HS3ST4: variants seen among roughly 807,000 people sequenced by gnomAD.
HS3ST4 encodes heparan sulfate glucosamine 3-O-sulfotransferase 4.
HS3ST4 carries 17 observed loss-of-function variants against 29.2 expected under a neutral mutation model. The observed-to-expected ratio is 0.58, with a 90% CI of 0.40 to 0.87. HS3ST4 has a LOEUF of 0.87. Among genes scored for constraint, HS3ST4 ranks in the 40% least tolerant of loss-of-function variants. The probability of loss-of-function intolerance (pLI) is 0.00; values close to 1 mark genes in which losing one functional copy is unlikely to be tolerated. For missense variants in HS3ST4, 627 were observed against 634.5 expected (o/e 0.99, Z 0.13); for synonymous variants, 314 against 285.7 (o/e 1.10, Z -1.00).
At chr16:25,809,210 T>G (rs1474854644) in intron 1 of HS3ST4, among the ~76,000 whole-genome samples, 1 of 152,180 alleles carries the variant, frequency 6.6e-6, no homozygotes, top group Non-Finnish European at 1.5e-5. Context: ...CACCACTAAG[T>G]ATGATGTTAT....
intron 1 of HS3ST4, among the ~76,000 whole-genome samples, chr16:25,777,060 C>T (rs2141613384): frequency 6.6e-6 from 1 of 152,246 alleles, no homozygotes; most frequent in African/African-American, 2.4e-5. Context: ...TCATTTTAAT[C>T]CATGTCTCTT....
chr16:25,830,945 T>C (rs1469986491), intron 1 of HS3ST4, among the ~76,000 whole-genome samples: 2 of 152,136 alleles, frequency 1.3e-5, no homozygotes. Flanking sequence ...CAGGATCAAC[T>C]CTAAACTCCA....
At chr16:26,040,696 C>T (rs1252960772) in intron 1 of HS3ST4, among the ~76,000 whole-genome samples, 1 of 152,016 alleles carries the variant, frequency 6.6e-6, no homozygotes, top group Non-Finnish European at 1.5e-5. Flanking sequence ...TTCTCCCTTC[C>T]AGGACACACA....
At chr16:25,947,485 C>A (rs117990514) in intron 1 of HS3ST4, among the ~76,000 whole-genome samples, 1 of 152,118 alleles carries the variant, frequency 6.6e-6, no homozygotes, top group Non-Finnish European at 1.5e-5. Context: ...TTGTGGACTG[C>A]GTTCAGGTCT....
intron 1 of HS3ST4, among the ~76,000 whole-genome samples, chr16:25,707,329 TTATAA>T (rs2141583293): frequency 6.6e-6 from 1 of 152,348 alleles, no homozygotes; most frequent in South Asian, 2.1e-4. Context: ...GTAACTTTTA[TTATAA>T]TATATTGTTA....
At chr16:25,952,582 G>A (rs117869625) in intron 1 of HS3ST4, among the ~76,000 whole-genome samples, 2,567 of 152,276 alleles carry the variant, frequency 0.017, 28 homozygotes, top group Non-Finnish European at 0.025. Flanking sequence ...TGTGAGGCTT[G>A]AATGGCTTAA....
chr16:25,962,170 A>G (rs1968801550), intron 1 of HS3ST4, among the ~76,000 whole-genome samples: 2 of 152,148 alleles, frequency 1.3e-5, no homozygotes, highest in African/African-American at 4.8e-5. Context: ...CAGGGAGAAA[A>G]CAAGGTACGA....
At chr16:25,864,180 A>G (rs1221582853) in intron 1 of HS3ST4, among the ~76,000 whole-genome samples, 1 of 152,256 alleles carries the variant, frequency 6.6e-6, no homozygotes, top group East Asian at 1.9e-4. Context: ...TTTATTAAGG[A>G]AAAATTAACA....
chr16:25,797,144 A>G (rs1966890934), intron 1 of HS3ST4, among the ~76,000 whole-genome samples: 2 of 152,250 alleles, frequency 1.3e-5, no homozygotes, highest in African/African-American at 2.4e-5. Context: ...CGTCCAAAAT[A>G]TCACAGTGAA....
chr16:25,697,774 G>A (rs34322088), intron 1 of HS3ST4, among the ~76,000 whole-genome samples: 48,205 of 151,940 alleles, frequency 0.32, 7,741 homozygotes, highest in South Asian at 0.45. Flanking sequence ...TCTGCTTCAA[G>A]CGATTATCCT....
chr16:26,019,515 T>A (rs1426383896), intron 1 of HS3ST4, among the ~76,000 whole-genome samples: 1 of 150,900 alleles, frequency 6.6e-6, no homozygotes, highest in Non-Finnish European at 1.5e-5. Context: ...GCAATCAGAG[T>A]AAGAGGGCTG....
At chr16:25,828,301 C>CTCTCTCTCTCTCTCTCT (rs1555467593) in intron 1 of HS3ST4, among the ~76,000 whole-genome samples, 3 of 32,882 alleles carry the variant, frequency 9.1e-5, no homozygotes, top group Admixed American at 3.7e-4. Flanking sequence ...TCTTTCTTTC[C>CTCTCTCTCTCTCTCTCT]CTCTCTCTCT....
At chr16:25,811,095 G>T (rs1967037316) in intron 1 of HS3ST4, among the ~76,000 whole-genome samples, 2 of 152,124 alleles carry the variant, frequency 1.3e-5, no homozygotes, top group Admixed American at 1.3e-4. Context: ...ACAAAAAATT[G>T]GTTTATTTAA....
chr16:25,998,175 G>A (rs1275304993), intron 1 of HS3ST4, among the ~76,000 whole-genome samples: 1 of 152,084 alleles, frequency 6.6e-6, no homozygotes, highest in Non-Finnish European at 1.5e-5. Context: ...CAGTTACTCG[G>A]GAGGCTGAAG....
chr16:25,971,919 A>G (rs551200223), intron 1 of HS3ST4, among the ~76,000 whole-genome samples: 1 of 152,246 alleles, frequency 6.6e-6, no homozygotes, highest in South Asian at 2.1e-4. Flanking sequence ...CTACAGAGTG[A>G]GACTCCATCT....
chr16:26,063,615 G>A (rs1898507335), intron 1 of HS3ST4, among the ~76,000 whole-genome samples: 1 of 152,036 alleles, frequency 6.6e-6, no homozygotes. Context: ...AGGAGTGCTT[G>A]AGCCTAGGAG....
chr16:25,725,096 T>C (rs1966523946), intron 1 of HS3ST4, among the ~76,000 whole-genome samples: 1 of 150,190 alleles, frequency 6.7e-6, no homozygotes, highest in Admixed American at 6.7e-5. Context: ...CACACCATGA[T>C]ACAGGATACT....
chr16:25,936,407 A>G (rs1968517547), intron 1 of HS3ST4, among the ~76,000 whole-genome samples: 1 of 152,234 alleles, frequency 6.6e-6, no homozygotes, highest in Non-Finnish European at 1.5e-5. Flanking sequence ...GAGAGACACC[A>G]GTAAGTTGAC....
intron 1 of HS3ST4, among the ~76,000 whole-genome samples, chr16:26,061,757 A>G (rs1187911358): frequency 6.6e-6 from 1 of 152,116 alleles, no homozygotes; most frequent in Non-Finnish European, 1.5e-5. Flanking sequence ...TTCTTTATTC[A>G]TCTCAGGGCT....
Sources: gnomAD v4.1 joint callset for allele counts (sites outside exome capture counted in the v4.1 genomes callset) on GRCh38, gnomAD v4.1.1 for gene constraint, MANE v1.5 for transcripts, NCBI Gene and HGNC (gene_info 2026-07-23, HGNC 2026-07-21) for gene names.